Variants in ADIPOR2 observed in about 807,000 individuals in gnomAD.
ADIPOR2 encodes adiponectin receptor protein 2.
A neutral mutation model predicts 40.9 loss-of-function variants in ADIPOR2; 18 were observed. The observed-to-expected ratio is 0.44, with a 90% CI of 0.30 to 0.65. The LOEUF (loss-of-function observed/expected upper bound fraction) is 0.65, where lower values mean the gene tolerates loss of function less well. ADIPOR2 is among the 30% of genes least tolerant of loss of function. The pLI is 0.09. For synonymous variants in ADIPOR2, 165 were observed against 166.4 expected (o/e 0.99, Z 0.06); for missense variants, 283 against 479.2 (o/e 0.59, Z 3.82).
chr12:1,783,486 G>A (rs1862767572), intron 6 of ADIPOR2, among the ~76,000 whole-genome samples: 2 of 145,660 alleles, frequency 1.4e-5, no homozygotes, highest in Non-Finnish European at 3.0e-5. Context: ...TGCAGCCTCT[G>A]CCCCCGGCTT....
intron 3 of ADIPOR2, among the ~76,000 whole-genome samples, chr12:1,775,606 A>G (rs1282671290): frequency 1.3e-5 from 2 of 152,218 alleles, no homozygotes; most frequent in African/African-American, 4.8e-5. Context: ...CTGTGTGCAC[A>G]TTGTGAATTG....
At chr12:1,715,873 A>G (rs1057489037) in intron 1 of ADIPOR2, among the ~76,000 whole-genome samples, 1 of 152,154 alleles carries the variant, frequency 6.6e-6, no homozygotes, top group Non-Finnish European at 1.5e-5. Flanking sequence ...AAATGGACCA[A>G]TCAGTGCCCT....
intron 1 of ADIPOR2, among the ~76,000 whole-genome samples, chr12:1,707,443 A>T (rs2154441631): frequency 6.8e-6 from 1 of 147,590 alleles, no homozygotes; most frequent in East Asian, 2.0e-4. Flanking sequence ...TTGATATCTT[A>T]TTGTGGTTTT....
chr12:1,777,915 A>G lies in ADIPOR2; in HGVS notation c.353A>G (p.Asn118Ser). ...GTACTACCAGACTGGCTCAAGGATA[A>G]TGACTTCCTCTTGCATGGACACCGG... is the stretch of plus-strand genomic sequence containing the variant. ...HDVLPDWLKD[N>S]DFLLHGHRPP... The change falls in exon 4 of 8, where the codon AAT (asparagine) becomes AGT (serine). Residue 118 changes from asparagine (N) to serine (S), a missense_variant. Physicochemically the swap from Asn to Ser is conservative, Grantham distance 46. This residue lies in a region of ADIPOR2 where 112 missense variants were observed against 249.5 expected (regional missense o/e 0.45). Transcript: ENST00000357103. 1 of 1,614,078 alleles carries G rather than the reference A, an allele frequency of 6.2e-7. No individual in the cohort carries two copies. The highest frequency in any genetic ancestry group is 1.7e-5 in the Admixed American group (1 of 60,016).
At chr12:1,695,699 C>T (rs1426735093) in intron 1 of ADIPOR2, 1 of 149,554 alleles carries the variant, frequency 6.7e-6, no homozygotes, top group Non-Finnish European at 1.5e-5. Flanking sequence ...ACCCGTCATT[C>T]AGCAGTCATT....
intron 1 of ADIPOR2, among the ~76,000 whole-genome samples, chr12:1,746,491 CA>C (rs915262684): frequency 6.6e-6 from 1 of 150,622 alleles, no homozygotes; most frequent in African/African-American, 2.5e-5. Context: ...GCCTCAAAAA[CA>C]AAAAACAAAA....
intron 1 of ADIPOR2, among the ~76,000 whole-genome samples, chr12:1,744,483 G>A (rs897704965): frequency 1.1e-4 from 17 of 151,774 alleles, no homozygotes; most frequent in African/African-American, 1.9e-4. Context: ...CTATAGGCGC[G>A]TACCGCCATG....
intron 1 of ADIPOR2, among the ~76,000 whole-genome samples, chr12:1,753,471 G>A (rs973222811): frequency 3.9e-5 from 6 of 152,234 alleles, no homozygotes; most frequent in African/African-American, 1.4e-4. Context: ...ATTTGTGTGC[G>A]TAGCACTTTC....
intron 1 of ADIPOR2, among the ~76,000 whole-genome samples, chr12:1,723,817 A>G (rs539851662): frequency 3.7e-4 from 56 of 152,290 alleles, no homozygotes; most frequent in Non-Finnish European, 6.3e-4. Context: ...CAGCAATTCT[A>G]CTTCTGGGTA....
At chr12:1,715,840 A>G (rs563342440) in intron 1 of ADIPOR2, among the ~76,000 whole-genome samples, 2 of 152,232 alleles carry the variant, frequency 1.3e-5, no homozygotes, top group Admixed American at 1.3e-4. Context: ...AGGTTTGTAA[A>G]ATGGACCAGT....
At chr12:1,711,195 T>G (rs1332419883) in intron 1 of ADIPOR2, among the ~76,000 whole-genome samples, 3 of 152,170 alleles carry the variant, frequency 2.0e-5, no homozygotes, top group African/African-American at 7.2e-5. Context: ...AGAGTCTATC[T>G]GGGATTGTAG....
chr12:1,755,569 C>T (rs1862108310), intron 2 of ADIPOR2, among the ~76,000 whole-genome samples: 1 of 152,194 alleles, frequency 6.6e-6, no homozygotes, highest in South Asian at 2.1e-4. Context: ...CCTTGGGAGT[C>T]AGTAGAGTTC....
At chr12:1,714,992 C>T (rs1022598770) in intron 1 of ADIPOR2, among the ~76,000 whole-genome samples, 1 of 151,968 alleles carries the variant, frequency 6.6e-6, no homozygotes, top group Non-Finnish European at 1.5e-5. Flanking sequence ...AAATTCCCCT[C>T]CCCCTACAGC....
At chr12:1,701,287 C>G (rs1468734821) in intron 1 of ADIPOR2, among the ~76,000 whole-genome samples, 1 of 151,992 alleles carries the variant, frequency 6.6e-6, no homozygotes, top group Non-Finnish European at 1.5e-5. Flanking sequence ...ACCACTGTGC[C>G]CAGCTAATAT....
chr12:1,726,341 G>A (rs138909393), intron 1 of ADIPOR2, among the ~76,000 whole-genome samples: 3,042 of 152,166 alleles, frequency 0.02, 50 homozygotes, highest in Non-Finnish European at 0.034. Flanking sequence ...GGGATTACAG[G>A]TGCATGCCAC....
chr12:1,757,078 CTG>C (rs1203689005), intron 2 of ADIPOR2, among the ~76,000 whole-genome samples: 2 of 152,158 alleles, frequency 1.3e-5, no homozygotes, highest in Admixed American at 6.5e-5. Context: ...ATTTTTAAAA[CTG>C]AACTGTTATT....
At chr12:1,699,148 C>T (rs868069582) in intron 1 of ADIPOR2, among the ~76,000 whole-genome samples, 1 of 152,048 alleles carries the variant, frequency 6.6e-6, no homozygotes, top group Non-Finnish European at 1.5e-5. Flanking sequence ...GGGTAAGGAA[C>T]GTGTAACTTT....
rs575453647 is a variant in ADIPOR2 at position 1,786,403 on chromosome 12, G to A, written c.*331G>A. ...ATCATATTTATTTGTAGAAGATGGC[G>A]AAACAGTTTAGCTGGTGGTTCTTTC... On this transcript the variant is annotated 3_prime_UTR_variant, in exon 8 of 8. Transcript: ENST00000357103. 4.5e-4 allele frequency: 105 copies of A among 231,520 alleles called. No homozygotes were observed. The highest frequency in any genetic ancestry group is 1.4e-3 in the Middle Eastern group (1 of 716). The allele number at this position is 231,520 out of a possible 1,614,324, so 14.3% of individuals were successfully genotyped here. A position where few individuals can be genotyped will look rare whatever the true frequency, so the allele number is the denominator to read the frequency against.
chr12:1,777,762 A>T (rs145649590), intron 3 of ADIPOR2, 92 bp from the exon 4 acceptor site: 2 of 1,225,678 alleles, frequency 1.6e-6, no homozygotes, highest in Non-Finnish European at 2.3e-6. Context: ...TTCCCATTAT[A>T]AAACAGTGTG....
Sources: allele counts gnomAD v4.1 joint callset (sites outside exome capture counted in the v4.1 genomes callset), GRCh38; gene constraint gnomAD v4.1.1; regional missense constraint gnomAD v4.1.1; transcripts MANE v1.5; gene names NCBI Gene and HGNC (gene_info 2026-07-23, HGNC 2026-07-21).